The following DISC1 variants were observed in gnomAD, a reference collection of about 807,000 sequenced individuals.
The protein encoded by DISC1 is disrupted in schizophrenia 1 protein.
Under a neutral mutation model 84.5 loss-of-function variants are expected in DISC1, and 57 were observed. The observed-to-expected ratio is 0.67, with a 90% CI of 0.55 to 0.84. The LOEUF is 0.84. DISC1 is among the 40% of genes least tolerant of loss of function. The pLI is 0.00. For synonymous variants in DISC1, 411 were observed against 415.2 expected, an observed-to-expected ratio of 0.99 and a Z score of 0.12; for missense variants, 1,000 against 1,057.8, an observed-to-expected ratio of 0.95 and a Z score of 0.76.
chr1:231,773,861 T>C (rs2076752064), intron 6 of DISC1, among the ~76,000 whole-genome samples: 1 of 152,038 alleles, frequency 6.6e-6, no homozygotes, highest in South Asian at 2.1e-4. Flanking sequence ...AGAGGTCAGG[T>C]CAAGAACAGG....
At chr1:232,000,623 A>G (rs1368456830) in intron 10 of DISC1, among the ~76,000 whole-genome samples, 1 of 152,250 alleles carries the variant, frequency 6.6e-6, no homozygotes, top group East Asian at 1.9e-4. Flanking sequence ...ATAAATAAAA[A>G]TAAATCCACA....
intron 9 of DISC1, among the ~76,000 whole-genome samples, chr1:231,888,087 A>G (rs2086904266): frequency 6.6e-6 from 1 of 152,358 alleles, no homozygotes; most frequent in South Asian, 2.1e-4. Context: ...TTAAGGACAC[A>G]TACATATGAA....
chr1:231,895,840 C>T (rs2087643497), intron 9 of DISC1, among the ~76,000 whole-genome samples: 1 of 152,174 alleles, frequency 6.6e-6, no homozygotes, highest in South Asian at 2.1e-4. Context: ...GGTTTTCGCC[C>T]TCTCATCCTT....
intron 1 of DISC1, among the ~76,000 whole-genome samples, chr1:231,664,127 A>C (rs185648214): frequency 6.6e-6 from 1 of 152,074 alleles, no homozygotes; most frequent in Non-Finnish European, 1.5e-5. Context: ...AGGAGAAGCT[A>C]TGCTTATCCC....
At chr1:231,757,268 T>C (rs757401208) in intron 4 of DISC1, among the ~76,000 whole-genome samples, 2 of 152,208 alleles carry the variant, frequency 1.3e-5, no homozygotes, top group Middle Eastern at 3.2e-3. Flanking sequence ...ATGAAAACTA[T>C]TGAGTGTATT....
chr1:231,770,902 A>T lies in DISC1; in HGVS notation c.1466A>T (p.Glu489Val), dbSNP rs1365424517. The change falls in exon 6 of 13, where the codon GAA becomes GTA. Residue 489 changes from glutamate to valine, a missense_variant. Around this residue, in one of 3 missense-constraint regions of DISC1, gnomAD observed 311 missense variants for 400.1 expected, o/e 0.78. Coordinates refer to ENST00000439617, the MANE Select transcript of DISC1 (RefSeq NM_018662.3). ...LEAKDQQLRR[E>V]IEEQEQQLQW... Reference sequence around the variant, plus strand: ...GCCAAAGATCAACAGCTGAGAAGGGAAATAGAGGAGCAAGAGCAGCAACTC... The same window carrying T: ...GCCAAAGATCAACAGCTGAGAAGGGTAATAGAGGAGCAAGAGCAGCAACTC... 6.2e-7 allele frequency: 1 copy of T among 1,614,164 alleles called. No homozygotes were observed. The highest frequency in any genetic ancestry group is 8.5e-7 in the Non-Finnish European group (1 of 1,180,022).
intron 9 of DISC1, among the ~76,000 whole-genome samples, chr1:231,957,678 T>TA (rs1320766394): frequency 6.6e-6 from 1 of 152,216 alleles, no homozygotes; most frequent in Non-Finnish European, 1.5e-5. Context: ...GATACCAACT[T>TA]AAACAGTTGT....
intron 6 of DISC1, among the ~76,000 whole-genome samples, chr1:231,793,275 C>T (rs1017600126): frequency 6.6e-6 from 1 of 152,188 alleles, no homozygotes; most frequent in Admixed American, 6.6e-5. Flanking sequence ...AAACCTTGAC[C>T]TTTCCTTTTG....
At chr1:231,821,736 A>G (rs1485742224) in intron 9 of DISC1, among the ~76,000 whole-genome samples, 2 of 143,610 alleles carry the variant, frequency 1.4e-5, no homozygotes, top group East Asian at 2.2e-4. Flanking sequence ...TTTTTGAGAC[A>G]GAGTTTTGCT....
chr1:231,707,310 A>G (rs111964476), intron 3 of DISC1, among the ~76,000 whole-genome samples: 28 of 152,304 alleles, frequency 1.8e-4, no homozygotes, highest in African/African-American at 6.5e-4. Context: ...CATGACCACC[A>G]GTGCAATTTC....
chr1:232,011,972 C>A (rs1314543152), intron 11 of DISC1, among the ~76,000 whole-genome samples: 1 of 152,110 alleles, frequency 6.6e-6, no homozygotes, highest in Non-Finnish European at 1.5e-5. Context: ...AAAAACACCA[C>A]CACGACATAA....
At chr1:232,017,480 CTTTT>C (rs56672398) in intron 11 of DISC1, among the ~76,000 whole-genome samples, 34 of 132,772 alleles carry the variant, frequency 2.6e-4, no homozygotes, top group Non-Finnish European at 1.6e-4. Flanking sequence ...AACACCTGTC[CTTTT>C]TTTTTTTTTT....
chr1:231,662,391 CT>C (rs1469997374), intron 1 of DISC1, among the ~76,000 whole-genome samples: 4 of 152,188 alleles, frequency 2.6e-5, no homozygotes, highest in Non-Finnish European at 5.9e-5. Context: ...ACCTCTCCCC[CT>C]GGGAGCTGCA....
chr1:231,989,768 G>A (rs180842641), intron 10 of DISC1, among the ~76,000 whole-genome samples: 24 of 152,312 alleles, frequency 1.6e-4, no homozygotes, highest in Admixed American at 3.9e-4. Flanking sequence ...GCTGTAGGGC[G>A]TGCACAGGTC....
rs1374418883 is a variant in DISC1, at chr1:232,009,065, A to T, written c.2307+16A>T. 1.2e-6 allele frequency: 2 copies of T among 1,613,720 alleles called. No individual in the cohort carries two copies. The highest frequency in any genetic ancestry group is 1.3e-5 in the African/African-American group (1 of 75,020). On this transcript the variant is annotated intron_variant, in intron 11 of 12. Coordinates refer to ENST00000439617, the MANE Select transcript of DISC1 (RefSeq NM_018662.3). The surrounding 1 kb of genome is among the most constrained non-coding windows in gnomAD (Gnocchi z 4.6). The stretch of plus-strand genomic sequence containing the variant: ...ACAGAAAGAGGTCTGTCCTTTTCAC[A>T]TGGCCTCCAGAGGGGACCCTTATTC...
intron 10 of DISC1, among the ~76,000 whole-genome samples, chr1:232,001,124 G>C (rs562670166): frequency 2.0e-4 from 30 of 151,692 alleles, no homozygotes; most frequent in African/African-American, 6.8e-4. Context: ...TCTCACCCAG[G>C]CTGGAGTGCA....
At chr1:232,012,757 G>A (rs201124871) in intron 11 of DISC1, among the ~76,000 whole-genome samples, 4 of 152,144 alleles carry the variant, frequency 2.6e-5, no homozygotes, top group Non-Finnish European at 5.9e-5. Context: ...GGGCTTTGTC[G>A]TTGATCGACA....
intron 1 of DISC1, among the ~76,000 whole-genome samples, chr1:231,641,827 CTGAGCTAGACATA>C (rs1206195289): frequency 1.3e-5 from 2 of 152,224 alleles, no homozygotes; most frequent in Non-Finnish European, 2.9e-5. Context: ...TTTACAATCC[CTGAGCTAGACATA>C]AAGGTTCTCC....
intron 9 of DISC1, among the ~76,000 whole-genome samples, chr1:231,858,036 G>C (rs950426488): frequency 4.6e-5 from 7 of 152,198 alleles, no homozygotes; most frequent in Non-Finnish European, 7.3e-5. Context: ...GGCTTGCCGG[G>C]CTAAACACAA....
Sources: gnomAD v4.1 joint callset for allele counts (sites outside exome capture counted in the v4.1 genomes callset) on GRCh38, gnomAD v4.1.1 for gene constraint, gnomAD v4.1.1 regional missense constraint, Gnocchi (gnomAD v3.1) non-coding constraint, MANE v1.5 for transcripts, NCBI Gene and HGNC (gene_info 2026-07-23, HGNC 2026-07-21) for gene names.